Variants in OCLN observed in about 807,000 individuals in gnomAD.
The protein encoded by OCLN is occludin, also known as phosphatase 1, regulatory subunit 115.
OCLN carries 21 observed loss-of-function variants against 47.9 expected under a neutral mutation model. The observed-to-expected ratio is 0.44, with a 90% CI of 0.31 to 0.63. The LOEUF (loss-of-function observed/expected upper bound fraction) is 0.63, where lower values mean the gene tolerates loss of function less well. Among genes scored for constraint, OCLN ranks in the 30% least tolerant of loss-of-function variants. The pLI, the probability that OCLN is intolerant of heterozygous loss-of-function variation, is 0.08. For missense variants in OCLN, 360 were observed against 571.0 expected (o/e 0.63, Z 3.77); for synonymous variants, 117 against 198.4 (o/e 0.59, Z 3.45).
In OCLN at chr5:69,514,702, T is replaced by C. The variant is rs903699413; in HGVS notation, c.891+593T>C. On this transcript the variant is annotated intron_variant, in intron 4 of 8. Coordinates refer to ENST00000396442, the MANE Select transcript of OCLN (RefSeq NM_001205254.2). ...TGCAGTGTTTGTGTCCCTGGGTACT[T>C]GAGATTAGGGAGTGGTGATGACTCT... Among the ~76,000 whole-genome samples, 7 of 152,254 alleles carry C rather than the reference T, an allele frequency of 4.6e-5. No individual in the cohort carries two copies. In the Middle Eastern group the frequency reaches 0.01, roughly 222 times the overall value.
intron 4 of OCLN, among the ~76,000 whole-genome samples, chr5:69,523,630 G>C (rs1332377369): frequency 6.6e-6 from 1 of 151,674 alleles, no homozygotes; most frequent in Middle Eastern, 3.2e-3. Flanking sequence ...CCACCTCCCG[G>C]GTTCAAGCGA....
At chr5:69,505,081 T>C (rs1465235479) in intron 2 of OCLN, among the ~76,000 whole-genome samples, 3 of 152,014 alleles carry the variant, frequency 2.0e-5, no homozygotes, top group Non-Finnish European at 4.4e-5. Context: ...GAAACCCCCA[T>C]CTCTACTGAA....
intron 1 of OCLN, among the ~76,000 whole-genome samples, chr5:69,496,371 T>TAC (rs753910367): frequency 7.9e-5 from 12 of 152,122 alleles, no homozygotes; most frequent in Non-Finnish European, 1.8e-4. Context: ...GTGCTGGGAT[T>TAC]ACAGGCGTGA....
At chr5:69,533,303 C>T (rs1036029549) in intron 4 of OCLN, among the ~76,000 whole-genome samples, 5 of 152,032 alleles carry the variant, frequency 3.3e-5, no homozygotes, top group African/African-American at 4.8e-5. Flanking sequence ...AGAACAGCTG[C>T]CTGGGACATG....
In OCLN at chr5:69,509,767, G is replaced by T; in HGVS notation, c.677G>T (p.Gly226Val). The change falls in exon 3 of 9, where the codon GGA (glycine) becomes GTA (valine). Residue 226 changes from glycine (G) to valine (V), a missense_variant. This residue lies in a region of OCLN where 314 missense variants were observed against 368.1 expected (regional missense o/e 0.85). Coordinates refer to ENST00000396442, the MANE Select transcript of OCLN (RefSeq NM_001205254.2). ...CNQFYTPAAT[G>V]LYVDQYLYHY... ...CAATTTTATACACCTGCAGCTACTG[G>T]ACTCTACGTGGATCAGTATTTGTAT... The T allele has an allele frequency of 6.2e-7, 1 of 1,614,056 alleles. No homozygotes were observed. Among genetic ancestry groups the T allele is most frequent in the Non-Finnish European group, 8.5e-7 (1 of 1,180,006 alleles).
At position 69,534,927 on chromosome 5, in the gene OCLN, A is replaced by T. The variant is rs1769541187; in HGVS notation, c.1037+88A>T. 2 of 1,501,412 alleles carry T rather than the reference A, an allele frequency of 1.3e-6. 1 individual carries two copies. The highest frequency in any genetic ancestry group is 3.4e-5 in the Admixed American group (2 of 58,336). 93.0% of individuals were successfully genotyped at this position (1,501,412 alleles called of 1,614,324 possible). ...GTTTTTGTGCCTTTCTGCTTAAAAA[A>T]AATATCCAGCAGTGCACACAAAAGC... On this transcript the variant is annotated intron_variant, in intron 5 of 8. Coordinates refer to ENST00000396442, the MANE Select transcript of OCLN (RefSeq NM_001205254.2).
intron 1 of OCLN, among the ~76,000 whole-genome samples, chr5:69,503,311 G>A (rs572554410): frequency 1.3e-5 from 2 of 152,210 alleles, no homozygotes; most frequent in Non-Finnish European, 2.9e-5. Context: ...CTGGCTCCCT[G>A]TTTCCTACCT....
intron 2 of OCLN, among the ~76,000 whole-genome samples, chr5:69,504,841 G>T (rs1768553381): frequency 2.6e-5 from 4 of 152,188 alleles, no homozygotes; most frequent in Admixed American, 2.6e-4. Context: ...TGTAATCCCA[G>T]CTACTTGGGA....
chr5:69,497,150 G>C (rs1404293224), intron 1 of OCLN, among the ~76,000 whole-genome samples: 1 of 152,088 alleles, frequency 6.6e-6, no homozygotes, highest in African/African-American at 2.4e-5. Flanking sequence ...AGCTCAAATT[G>C]TTGTTAGTTA....
intron 2 of OCLN, among the ~76,000 whole-genome samples, chr5:69,508,034 T>C (rs556787178): frequency 7.9e-5 from 12 of 152,246 alleles, no homozygotes; most frequent in Non-Finnish European, 1.6e-4. Flanking sequence ...TATTATATCT[T>C]TGAAATCCAT....
chr5:69,537,452 T>C (rs373134497), intron 5 of OCLN, among the ~76,000 whole-genome samples: 1,530 of 9,134 alleles, frequency 0.17, 214 homozygotes, highest in African/African-American at 0.35. Context: ...GGTCTCAAAC[T>C]CCTGGGCTCA....
At chr5:69,515,558 C>T (rs1580562833) in intron 4 of OCLN, among the ~76,000 whole-genome samples, 6 of 147,738 alleles carry the variant, frequency 4.1e-5, no homozygotes, top group East Asian at 4.2e-4. Flanking sequence ...ACCTCCCTCC[C>T]GGACGGGGCG....
At chr5:69,495,323 G>T (rs1299489797) in intron 1 of OCLN, among the ~76,000 whole-genome samples, 1 of 152,116 alleles carries the variant, frequency 6.6e-6, no homozygotes, top group Admixed American at 6.6e-5. Flanking sequence ...CTTGGCTGTG[G>T]TATGAATCAC....
At chr5:69,514,489 C>T (rs1768873589) in intron 4 of OCLN, among the ~76,000 whole-genome samples, 1 of 151,486 alleles carries the variant, frequency 6.6e-6, no homozygotes, top group Non-Finnish European at 1.5e-5. Context: ...TCAAGATTGG[C>T]AAGAGTGTTT....
At chr5:69,498,252 G>A (rs1384051575) in intron 1 of OCLN, among the ~76,000 whole-genome samples, 1 of 152,208 alleles carries the variant, frequency 6.6e-6, no homozygotes, top group African/African-American at 2.4e-5. Context: ...CCAGCACTTT[G>A]GGAGGCTGAG....
In OCLN at chr5:69,504,273, C is replaced by A; in HGVS notation, c.29C>A (p.Pro10His). 1 of 1,605,748 alleles carries A rather than the reference C, an allele frequency of 6.2e-7. No homozygotes were observed. Among genetic ancestry groups the A allele is most frequent in the Non-Finnish European group, 8.5e-7 (1 of 1,172,464 alleles). Residue 10 changes from proline (P) to histidine (H), a missense_variant, in exon 2 of 9, where the codon CCT (proline) becomes CAT (histidine). Around this residue, in one of 3 missense-constraint regions of OCLN, gnomAD observed 314 missense variants for 368.1 expected, o/e 0.85. Transcript: ENST00000396442. MSSRPLESP[P>H]PYRPDEFKPN... is the part of the protein sequence containing the mutation. Reference sequence around the variant, plus strand: ...TCATCCAGGCCTCTTGAAAGTCCACCTCCTTACAGGCCTGATGAATTGTAA... The same window carrying A: ...TCATCCAGGCCTCTTGAAAGTCCACATCCTTACAGGCCTGATGAATTGTAA...
At chr5:69,550,593 CAACT>C (rs1157763415) in intron 7 of OCLN, among the ~76,000 whole-genome samples, 1 of 129,496 alleles carries the variant, frequency 7.7e-6, no homozygotes, top group African/African-American at 2.7e-5. Context: ...GAGACTGCAC[CAACT>C]GTGTCTCCCT....
rs898963712 is a variant in OCLN, at chr5:69,509,129, T to C, written c.51-12T>C. ...AAATGCTAACTTGAAATTATTTTCATGTTCATTTCAGCAAACCGAATCATT... is the reference window on the plus strand; with the variant it reads ...AAATGCTAACTTGAAATTATTTTCACGTTCATTTCAGCAAACCGAATCATT... On this transcript the variant is annotated splice_polypyrimidine_tract_variant and intron_variant, in intron 2 of 8. Transcript: ENST00000396442. 1.8e-5 allele frequency: 29 copies of C among 1,609,290 alleles called. No individual in the cohort carries two copies. The Admixed American group carries it at 2.5e-4, about 14-fold the overall frequency.
In OCLN at chr5:69,534,825, C is replaced by T; in HGVS notation, c.1023C>T (p.Ser341=). ...ACAAGCGGTTTTATCCAGAGTCTTC[C>T]TATAAATCCACGCCGTAAGTAGCAT... The part of the protein sequence containing the change: ...VNDKRFYPES[S]YKSTPVPEVV... Residue 341 remains serine, a synonymous_variant, in exon 5 of 9, where the codon TCC becomes TCT. Coordinates refer to ENST00000396442, the MANE Select transcript of OCLN (RefSeq NM_001205254.2). The T allele has an allele frequency of 7.2e-7, 1 of 1,395,376 alleles. No individual in the cohort carries two copies. Among genetic ancestry groups the T allele is most frequent in the Non-Finnish European group, 9.9e-7 (1 of 1,011,326 alleles). 86.4% of individuals were successfully genotyped at this position (1,395,376 alleles called of 1,614,324 possible).
Sources: allele counts gnomAD v4.1 joint callset (sites outside exome capture counted in the v4.1 genomes callset), GRCh38; gene constraint gnomAD v4.1.1; regional missense constraint gnomAD v4.1.1; transcripts MANE v1.5; gene names NCBI Gene and HGNC (gene_info 2026-07-23, HGNC 2026-07-21).